LEPR: variants seen among roughly 807,000 people sequenced by gnomAD.
LEPR encodes OB receptor.
LEPR carries 56 observed loss-of-function variants against 114.7 expected under a neutral mutation model. The observed-to-expected ratio is 0.49, with a 90% CI of 0.39 to 0.61. The LOEUF (loss-of-function observed/expected upper bound fraction) is 0.61. LEPR is among the 20% of genes least tolerant of loss of function. The pLI is 0.00. For synonymous variants in LEPR, 443 were observed against 461.4 expected (o/e 0.96, Z 0.51); for missense variants, 1,202 against 1,352.9 (o/e 0.89, Z 1.75).
intron 2 of LEPR, among the ~76,000 whole-genome samples, chr1:65,442,822 G>A (rs1229399936): frequency 2.0e-5 from 3 of 152,042 alleles, no homozygotes; most frequent in African/African-American, 4.8e-5. Flanking sequence ...TTAGAAAATC[G>A]GCACAGATGT....
intron 2 of LEPR, among the ~76,000 whole-genome samples, chr1:65,491,933 A>G (rs376864607): frequency 3.2e-4 from 48 of 152,282 alleles, no homozygotes; most frequent in African/African-American, 1.1e-3. Flanking sequence ...GACCCAAGCT[A>G]TCCATTCACT....
intron 2 of LEPR, among the ~76,000 whole-genome samples, chr1:65,458,337 A>T (rs561969198): frequency 1.3e-5 from 2 of 152,236 alleles, no homozygotes; most frequent in East Asian, 3.9e-4. Flanking sequence ...CTCTTTCTGA[A>T]GAACTCTTGA....
chr1:65,566,561 ACATTC>A (rs1266939773), intron 3 of LEPR, among the ~76,000 whole-genome samples: 2 of 152,240 alleles, frequency 1.3e-5, no homozygotes, highest in African/African-American at 4.8e-5. Flanking sequence ...CATTCTGGTG[ACATTC>A]TGATTTCCTT....
intron 19 of LEPR, among the ~76,000 whole-genome samples, chr1:65,626,571 T>C (rs1479799795): frequency 1.3e-5 from 2 of 150,796 alleles, no homozygotes; most frequent in Non-Finnish European, 2.9e-5. Context: ...ATTTTATTAA[T>C]GATAAAAATC....
intron 2 of LEPR, among the ~76,000 whole-genome samples, chr1:65,446,832 A>C (rs1646720095): frequency 6.6e-6 from 1 of 152,036 alleles, no homozygotes; most frequent in African/African-American, 2.4e-5. Context: ...TTTTGATAAA[A>C]TCTAATTTAT....
chr1:65,605,007 T>C (rs1346860406), intron 10 of LEPR, 31 bp from the exon 11 acceptor site: 1 of 1,606,636 alleles, frequency 6.2e-7, no homozygotes, highest in South Asian at 1.1e-5. Flanking sequence ...TATTAATGTA[T>C]ACTAATTGAC....
chr1:65,556,701 G>A (rs1652837487), intron 2 of LEPR, among the ~76,000 whole-genome samples: 1 of 152,072 alleles, frequency 6.6e-6, no homozygotes, highest in Admixed American at 6.6e-5. Context: ...TGTGCATGTT[G>A]GCATGGGGGA....
intron 2 of LEPR, among the ~76,000 whole-genome samples, chr1:65,462,089 C>A (rs896844786): frequency 2.0e-5 from 3 of 152,070 alleles, no homozygotes; most frequent in Admixed American, 2.0e-4. Flanking sequence ...TTTGCTGCAC[C>A]CATCAACTCG....
At chr1:65,453,169 T>C (rs1181497516) in intron 2 of LEPR, among the ~76,000 whole-genome samples, 1 of 152,184 alleles carries the variant, frequency 6.6e-6, no homozygotes, top group Non-Finnish European at 1.5e-5. Flanking sequence ...TTCTTCTCTC[T>C]TTTTTTCTTT....
At chr1:65,566,538 G>A (rs763575097) in intron 3 of LEPR, among the ~76,000 whole-genome samples, 2 of 152,248 alleles carry the variant, frequency 1.3e-5, no homozygotes, top group Non-Finnish European at 2.9e-5. Flanking sequence ...CTGTTCTCAC[G>A]TGTTTCTTAC....
intron 2 of LEPR, among the ~76,000 whole-genome samples, chr1:65,464,237 G>A (rs1303609755): frequency 6.6e-6 from 1 of 152,118 alleles, no homozygotes; most frequent in Non-Finnish European, 1.5e-5. Flanking sequence ...AGCATGAAGG[G>A]CGGTTGAATT....
At chr1:65,518,284 T>G (rs1649389574) in intron 2 of LEPR, among the ~76,000 whole-genome samples, 1 of 152,202 alleles carries the variant, frequency 6.6e-6, no homozygotes. Flanking sequence ...CTGTGTATAT[T>G]AGAGAAATTC....
At chr1:65,625,589 T>C (rs576054767) in intron 19 of LEPR, among the ~76,000 whole-genome samples, 1 of 152,256 alleles carries the variant, frequency 6.6e-6, no homozygotes, top group Admixed American at 6.5e-5. Flanking sequence ...AAACTACATG[T>C]TGTGAAAGAA....
chr1:65,600,593 T>C (rs1340903249), intron 8 of LEPR, among the ~76,000 whole-genome samples: 2 of 152,166 alleles, frequency 1.3e-5, no homozygotes, highest in East Asian at 3.8e-4. Context: ...GTTTTTGCAG[T>C]GCACTGTGGT....
At chr1:65,539,538 G>C (rs893393283) in intron 2 of LEPR, among the ~76,000 whole-genome samples, 2 of 152,192 alleles carry the variant, frequency 1.3e-5, no homozygotes, top group African/African-American at 2.4e-5. Context: ...CCGGTGCCAA[G>C]TTTACATGAA....
intron 2 of LEPR, among the ~76,000 whole-genome samples, chr1:65,508,823 A>G (rs79257528): frequency 0.013 from 2,006 of 152,274 alleles, 40 homozygotes; most frequent in African/African-American, 0.046. Context: ...CCATGAGCGC[A>G]CAATATCTTT....
At chr1:65,536,993 A>G (rs1179369089) in intron 2 of LEPR, among the ~76,000 whole-genome samples, 1 of 152,210 alleles carries the variant, frequency 6.6e-6, no homozygotes, top group East Asian at 1.9e-4. Flanking sequence ...TCATTAAGAA[A>G]GTGTCCAGTT....
At chr1:65,526,123 C>T (rs954416956) in intron 2 of LEPR, 2 of 970,910 alleles carry the variant, frequency 2.1e-6, no homozygotes, top group African/African-American at 4.3e-5. Flanking sequence ...GAGAGCATGC[C>T]ACCCGGCCAA....
chr1:65,530,765 T>G (rs1190173097), intron 2 of LEPR, among the ~76,000 whole-genome samples: 1 of 152,138 alleles, frequency 6.6e-6, no homozygotes, highest in African/African-American at 2.4e-5. Context: ...ATCCTGTGAC[T>G]TAGAATGTCT....
Sources: allele counts gnomAD v4.1 joint callset (sites outside exome capture counted in the v4.1 genomes callset), GRCh38; gene constraint gnomAD v4.1.1; transcripts MANE v1.5; gene names NCBI Gene and HGNC (gene_info 2026-07-23, HGNC 2026-07-21).